The following DDR1 variants were observed in gnomAD, a reference collection of about 807,000 sequenced individuals.
The protein encoded by DDR1 is discoidin domain receptor tyrosine kinase 1, also known as epithelial discoidin domain-containing receptor 1.
Under a neutral mutation model 97.4 loss-of-function variants are expected in DDR1, and 64 were observed. That is an observed-to-expected ratio of 0.66 (90% CI 0.54 to 0.81). DDR1 has a LOEUF of 0.81. Among genes scored for constraint, DDR1 ranks in the 30% least tolerant of loss-of-function variants. The pLI is 0.00. For missense variants in DDR1, 990 were observed against 1,259.6 expected, an observed-to-expected ratio of 0.79 and a Z score of 3.24; for synonymous variants, 458 against 503.7, an observed-to-expected ratio of 0.91 and a Z score of 1.21.
In DDR1 at chr6:30,889,457, AGGAGGTTGGC is replaced by A; in HGVS notation, c.417+28_417+37del. ...TGAGACTGGCAGGGGCAGCACCCAG[AGGAGGTTGGC>A]TCTCCTCACTTCCAGCTGTACTTTA... On this transcript the variant is annotated intron_variant, in intron 4 of 17. Transcript: ENST00000376568. This position sits in a 1 kb window ranked among gnomAD's most constrained non-coding sequence, Gnocchi z 4.9. 2.7e-6 allele frequency: 4 copies of A among 1,467,648 alleles called. No homozygotes were observed. The highest frequency in any genetic ancestry group is 1.4e-5 in the African/African-American group (1 of 70,948). 90.9% of individuals were successfully genotyped at this position (1,467,648 alleles called of 1,614,324 possible). A position where few individuals can be genotyped will look rare whatever the true frequency, so the allele number is the denominator to read the frequency against.
At chr6:30,887,175 G>A (rs1420731114) in intron 1 of DDR1, 2 of 152,200 alleles carry the variant, frequency 1.3e-5, no homozygotes, top group African/African-American at 4.8e-5. Context: ...GGACTCCTAT[G>A]TGGGAGGGCA....
At chr6:30,881,347 A>T (rs885910), upstream of DDR1, 66,130 of 152,208 alleles carry the variant, frequency 0.43, 14,866 homozygotes, top group East Asian at 0.68. Flanking sequence ...GTGTCCCCAA[A>T]GGGGGACCGT....
intron 8 of DDR1, 120 bp downstream of exon 8, chr6:30,892,662 A>G: frequency 7.4e-7 from 1 of 1,359,210 alleles, no homozygotes; most frequent in Non-Finnish European, 9.8e-7. Flanking sequence ...ACCCACCGAA[A>G]CTTCTCAATT....
In DDR1 at chr6:30,888,940, C is replaced by A; in HGVS notation, c.118C>A (p.Arg40=). ...KCRYALGMQD[R]TIPDSDISAS... The stretch of plus-strand genomic sequence containing the variant: ...CCGCTATGCCCTGGGCATGCAGGAC[C>A]GGACCATCCCAGACAGTGACATCTC... Residue 40 remains arginine (R), a synonymous_variant, in exon 3 of 18, where the codon CGG becomes AGG. Transcript: ENST00000376568. The surrounding 1 kb of genome is among the most constrained non-coding windows in gnomAD (Gnocchi z 4.2). 1 of 1,612,964 alleles carries A rather than the reference C, an allele frequency of 6.2e-7. No individual in the cohort carries two copies. The highest frequency in any genetic ancestry group is 8.5e-7 in the Non-Finnish European group (1 of 1,180,020).
In DDR1 at chr6:30,890,865, TG is replaced by T. The variant is rs761348379; in HGVS notation, c.418-105del. The T allele has an allele frequency of 7.5e-5, 93 of 1,235,260 alleles. No homozygotes were observed. The East Asian group carries it at 2.4e-3, about 31-fold the overall frequency. 76.5% of individuals were successfully genotyped at this position (1,235,260 alleles called of 1,614,324 possible). ...GCTGTGTGCTCGGTGCCACCCCTCA[TG>T]GGTCTCTAAGTGGCCACTGTGGGCT... On this transcript the variant is annotated intron_variant, in intron 4 of 17. Transcript: ENST00000376568. The surrounding 1 kb of genome is among the most constrained non-coding windows in gnomAD (Gnocchi z 5.0).
Position 30,889,523 on chromosome 6 carries a change from T to G in DDR1, c.417+93T>G, listed in dbSNP as rs1297445797. ...CACCTATACGCTGACGACTCTCCAG[T>G]TTATATCATCTCCAGACTAAGCCTC... On this transcript the variant is annotated intron_variant, in intron 4 of 17. Transcript: ENST00000376568. This position sits in a 1 kb window ranked among gnomAD's most constrained non-coding sequence, Gnocchi z 4.9. 1 of 910,688 alleles carries G rather than the reference T, an allele frequency of 1.1e-6. No homozygotes were observed. Among genetic ancestry groups the G allele is most frequent in the Non-Finnish European group, 1.6e-6 (1 of 628,478 alleles). 56.4% of individuals were successfully genotyped at this position (910,688 alleles called of 1,614,324 possible).
In DDR1 at chr6:30,890,992, A is replaced by C. The variant is rs139811882; in HGVS notation, c.437A>C (p.Asp146Ala). The change falls in exon 5 of 18, where the codon GAC becomes GCC. Residue 146 changes from aspartate (D) to alanine (A), a missense_variant. By Grantham distance (126) the Asp-to-Ala change is moderately radical (BLOSUM62 -2). Coordinates refer to ENST00000376568, the MANE Select transcript of DDR1 (RefSeq NM_001297654.2). This position sits in a 1 kb window ranked among gnomAD's most constrained non-coding sequence, Gnocchi z 5.0. ...CCACAGGTGATCTCAGGCAATGAGG[A>C]CCCTGAGGGAGTGGTGCTGAAGGAC... Reference protein sequence around the residue: ...WGQEVISGNEDPEGVVLKDLG... With the variant: ...WGQEVISGNEAPEGVVLKDLG... 1.2e-6 allele frequency: 2 copies of C among 1,608,796 alleles called. No homozygotes were observed. The highest frequency in any genetic ancestry group is 2.7e-5 in the African/African-American group (2 of 74,764).
chr6:30,893,258 G>A lies in DDR1; in HGVS notation c.1196-14G>A, dbSNP rs1459013200. The A allele has an allele frequency of 6.2e-7, 1 of 1,602,564 alleles. No homozygotes were observed. Among genetic ancestry groups the A allele is most frequent in the Admixed American group, 1.7e-5 (1 of 59,880 alleles). On this transcript the variant is annotated splice_polypyrimidine_tract_variant and intron_variant, in intron 9 of 17. Coordinates refer to ENST00000376568, the MANE Select transcript of DDR1 (RefSeq NM_001297654.2). ...GGGACCCTCCTGTGGTGCTGACCCT[G>A]CTGCCTCCACCAGAGCTGGAGCCCA... is the stretch of plus-strand genomic sequence containing the variant.
chr6:30,891,499 G>C lies in DDR1; in HGVS notation c.665+20G>C. 6.4e-7 allele frequency: 1 copy of C among 1,571,244 alleles called. No individual in the cohort carries two copies. ...GGGCGGGTAAGAAAGGCCCCTGCAG[G>C]ATATGGAGTTTGGGGTGGGAGGGAG... On this transcript the variant is annotated intron_variant, in intron 6 of 17. Transcript: ENST00000376568. This position sits in a 1 kb window ranked among gnomAD's most constrained non-coding sequence, Gnocchi z 5.3.
Position 30,897,716 on chromosome 6 carries a change from C to T in DDR1, c.2216+119C>T. The T allele has an allele frequency of 1.2e-6, 1 of 811,692 alleles. No individual in the cohort carries two copies. The highest frequency in any genetic ancestry group is 1.9e-6 in the Non-Finnish European group (1 of 519,798). 50.3% of individuals were successfully genotyped at this position (811,692 alleles called of 1,614,324 possible). A position where few individuals can be genotyped will look rare whatever the true frequency, so the allele number is the denominator to read the frequency against. On this transcript the variant is annotated intron_variant, in intron 15 of 17. Coordinates refer to ENST00000376568, the MANE Select transcript of DDR1 (RefSeq NM_001297654.2). This position sits in a 1 kb window ranked among gnomAD's most constrained non-coding sequence, Gnocchi z 5.2. ...TGGGGGTGGGAAGGGAGAGAGGTTC[C>T]AGGAGGGCCTGGGATAAGGAATGTG...
In DDR1 at chr6:30,890,109, G is replaced by C. The variant is rs569286656; in HGVS notation, c.417+679G>C. 3.9e-5 allele frequency among the ~76,000 whole-genome samples: 6 copies of C among 152,140 alleles called. No individual in the cohort carries two copies. The East Asian group carries it at 7.7e-4, about 20-fold the overall frequency. Reference sequence around the variant, plus strand: ...CTGCCTGGAGTCAAATCTCCACCTGGGGGGGCGGCATCCAGTGGACCTTAG... The same window carrying C: ...CTGCCTGGAGTCAAATCTCCACCTGCGGGGGCGGCATCCAGTGGACCTTAG... On this transcript the variant is annotated intron_variant, in intron 4 of 17. Transcript: ENST00000376568. The surrounding 1 kb of genome is among the most constrained non-coding windows in gnomAD (Gnocchi z 5.0).
At position 30,895,436 on chromosome 6, in the gene DDR1, C is replaced by T; in HGVS notation, c.1546C>T (p.Leu516Phe). The change falls in exon 12 of 18, where the codon CTT (leucine) becomes TTT (phenylalanine). Residue 516 changes from leucine to phenylalanine, a missense_variant. Leu to Phe is a conservative substitution (Grantham distance 22). Coordinates refer to ENST00000376568, the MANE Select transcript of DDR1 (RefSeq NM_001297654.2). ...LLLSNPAYRL[L>F]LATYARPPRG... ...GCTCTCCAATCCAGCCTACCGCCTC[C>T]TTCTGGCCACTTACGCCCGTCCCCC... is the stretch of plus-strand genomic sequence containing the variant. The T allele has an allele frequency of 6.2e-7, 1 of 1,611,142 alleles. No homozygotes were observed. Among genetic ancestry groups the T allele is most frequent in the Non-Finnish European group, 8.5e-7 (1 of 1,179,452 alleles).
chr6:30,888,096 A>G lies in DDR1; in HGVS notation c.-42-592A>G, dbSNP rs1786559701. ...TTATATGTTACAGCCTTAAAAAAAT[A>G]TCTTGTCAGTCTGCTTGGTATTTCC... On this transcript the variant is annotated intron_variant, in intron 1 of 17. Coordinates refer to ENST00000376568, the MANE Select transcript of DDR1 (RefSeq NM_001297654.2). This position sits in a 1 kb window ranked among gnomAD's most constrained non-coding sequence, Gnocchi z 4.2. Among the ~76,000 whole-genome samples, 2 of 152,186 alleles carry G rather than the reference A, an allele frequency of 1.3e-5. No individual in the cohort carries two copies. The highest frequency in any genetic ancestry group is 2.9e-5 in the Non-Finnish European group (2 of 68,040).
chr6:30,899,448 C>T lies in DDR1; in HGVS notation c.*152C>T. 1.1e-6 allele frequency: 1 copy of T among 947,946 alleles called. No individual in the cohort carries two copies. The highest frequency in any genetic ancestry group is 1.5e-6 in the Non-Finnish European group (1 of 656,188). The allele number at this position is 947,946 out of a possible 1,614,324, so 58.7% of individuals were successfully genotyped here. Reference sequence around the variant, plus strand: ...TGAGACTGCAGGTGGGCTGGGCCCACCCAGGGAGCTGATGCCCCTTCTCCC... The same window carrying T: ...TGAGACTGCAGGTGGGCTGGGCCCATCCAGGGAGCTGATGCCCCTTCTCCC... On this transcript the variant is annotated 3_prime_UTR_variant, in exon 18 of 18. Coordinates refer to ENST00000376568, the MANE Select transcript of DDR1 (RefSeq NM_001297654.2).
intron 1 of DDR1, chr6:30,885,881 G>C: frequency 8.1e-7 from 1 of 1,239,564 alleles, no homozygotes; most frequent in Non-Finnish European, 1.1e-6. Context: ...GGGACTTGGG[G>C]GTTGGGAGAG....
In DDR1 at chr6:30,896,639, T is replaced by C. The variant is rs928516967; in HGVS notation, c.1643T>C (p.Met548Thr). Residue 548 changes from methionine to threonine, a missense_variant, in exon 13 of 18, where the codon ATG (methionine) becomes ACG (threonine). By Grantham distance (81) the Met-to-Thr change is moderately conservative. Coordinates refer to ENST00000376568, the MANE Select transcript of DDR1 (RefSeq NM_001297654.2). ...TNTQAYSGDY[M>T]EPEKPGAPLL... ...CCTGCAGCCTACAGTGGGGACTATA[T>C]GGAGCCTGAGAAGCCAGGCGCCCCG... The C allele has an allele frequency of 3.7e-6, 6 of 1,613,494 alleles. No individual in the cohort carries two copies. Among genetic ancestry groups the C allele is most frequent in the Non-Finnish European group, 5.1e-6 (6 of 1,179,830 alleles).
Position 30,899,469 on chromosome 6 carries a change from C to T in DDR1, c.*173C>T. ...CCCACCCAGGGAGCTGATGCCCCTT[C>T]TCCCCTTCCTGGACACACTCTCATG... On this transcript the variant is annotated 3_prime_UTR_variant, in exon 18 of 18. Coordinates refer to ENST00000376568, the MANE Select transcript of DDR1 (RefSeq NM_001297654.2). 1.4e-6 allele frequency: 1 copy of T among 731,978 alleles called. No homozygotes were observed. The highest frequency in any genetic ancestry group is 2.8e-5 in the East Asian group (1 of 36,330). 45.3% of individuals were successfully genotyped at this position (731,978 alleles called of 1,614,324 possible).
At chr6:30,881,971 T>G (rs1784386633), upstream of DDR1, 1 of 152,958 alleles carries the variant, frequency 6.5e-6, no homozygotes, top group Non-Finnish European at 1.5e-5. Flanking sequence ...GGCCTCAGTT[T>G]CCAGTTTATT....
chr6:30,899,019 C>A lies in DDR1; in HGVS notation c.2583C>A (p.Phe861Leu), dbSNP rs1313237033. The A allele has an allele frequency of 6.2e-7, 1 of 1,614,078 alleles. No individual in the cohort carries two copies. Among genetic ancestry groups the A allele is most frequent in the Non-Finnish European group, 8.5e-7 (1 of 1,180,006 alleles). Reference protein sequence around the residue: ...EQVIENAGEFFRDQGRQVYLS... With the variant: ...EQVIENAGEFLRDQGRQVYLS... Reference sequence around the variant, plus strand: ...TCATCGAGAACGCGGGGGAGTTCTTCCGGGACCAGGGCCGGCAGGTCAGAG... The same window carrying A: ...TCATCGAGAACGCGGGGGAGTTCTTACGGGACCAGGGCCGGCAGGTCAGAG... The change falls in exon 17 of 18, where the codon TTC becomes TTA. Residue 861 changes from phenylalanine (F) to leucine (L), a missense_variant. Transcript: ENST00000376568.
Sources: allele counts gnomAD v4.1 joint callset (sites outside exome capture counted in the v4.1 genomes callset), GRCh38; gene constraint gnomAD v4.1.1; non-coding constraint Gnocchi (gnomAD v3.1); transcripts MANE v1.5; gene names NCBI Gene and HGNC (gene_info 2026-07-23, HGNC 2026-07-21).